TPP2: variants seen among roughly 807,000 people sequenced by gnomAD.
TPP2 encodes tripeptidyl-peptidase 2.
Under a neutral mutation model 155.9 loss-of-function variants are expected in TPP2, and 34 were observed. The observed-to-expected ratio is 0.22, with a 90% CI of 0.17 to 0.29. TPP2 has a LOEUF of 0.29. Ranked by LOEUF, TPP2 falls within the 10% of genes least tolerant of loss-of-function variation. The pLI is 1.00. For missense variants in TPP2, 1,028 were observed against 1,522.3 expected, an observed-to-expected ratio of 0.68 and a Z score of 5.40; for synonymous variants, 510 against 529.4, an observed-to-expected ratio of 0.96 and a Z score of 0.50.
At chr13:102,649,211 T>C in intron 22 of TPP2, 60 bp downstream of exon 22, 1 of 1,528,762 alleles carries the variant, frequency 6.5e-7, no homozygotes, top group African/African-American at 1.4e-5. Flanking sequence ...CCTTTTAATG[T>C]CAGTTTATGA....
At chr13:102,676,454 T>C in intron 29 of TPP2, 39 bp downstream of exon 29, 2 of 1,597,498 alleles carry the variant, frequency 1.3e-6, no homozygotes, top group Non-Finnish European at 1.7e-6. Flanking sequence ...AGCATCACTT[T>C]GATATTGCAT....
chr13:102,614,126 C>T lies in TPP2; in HGVS notation c.320C>T (p.Ser107Leu). The T allele has an allele frequency of 1.9e-6, 3 of 1,613,302 alleles. No homozygotes were observed. Among genetic ancestry groups the T allele is most frequent in the Non-Finnish European group, 2.5e-6 (3 of 1,179,680 alleles). The part of the protein sequence containing the change: ...LKIPASWTNP[S>L]GKYHIGIKNG... The stretch of plus-strand genomic sequence containing the variant: ...ATTCCTGCAAGCTGGACAAATCCCT[C>T]AGGCAAATATCATATTGGCATAAAA... Residue 107 changes from serine (S) to leucine (L), a missense_variant, in exon 3 of 30, where the codon TCA (serine) becomes TTA (leucine). Coordinates refer to ENST00000376052, the MANE Select transcript of TPP2 (RefSeq NM_001330588.2).
At chr13:102,674,730 T>C (rs1190343569) in intron 28 of TPP2, among the ~76,000 whole-genome samples, 1 of 152,208 alleles carries the variant, frequency 6.6e-6, no homozygotes, top group South Asian at 2.1e-4. Context: ...TTTGAGAATA[T>C]GTGTAGTAGG....
chr13:102,609,289 T>C (rs1274168368), intron 2 of TPP2, among the ~76,000 whole-genome samples: 2 of 109,916 alleles, frequency 1.8e-5, no homozygotes, highest in Non-Finnish European at 3.7e-5. Flanking sequence ...GACTTGGGAG[T>C]CCCAGGAAAC....
chr13:102,642,964 T>C (rs1483327578), intron 16 of TPP2, among the ~76,000 whole-genome samples: 1 of 152,228 alleles, frequency 6.6e-6, no homozygotes, highest in Non-Finnish European at 1.5e-5. Context: ...TCCAGGTGTT[T>C]GCAGCCTCAT....
At chr13:102,606,546 G>A (rs1186029813) in intron 2 of TPP2, among the ~76,000 whole-genome samples, 1 of 152,126 alleles carries the variant, frequency 6.6e-6, no homozygotes, top group Non-Finnish European at 1.5e-5. Flanking sequence ...CTTCTTCAAG[G>A]CCAGTAAGAG....
intron 25 of TPP2, among the ~76,000 whole-genome samples, chr13:102,663,159 T>A (rs746554351): frequency 6.6e-6 from 1 of 150,944 alleles, no homozygotes; most frequent in African/African-American, 2.4e-5. Context: ...TTAATTTATT[T>A]ATTTTTTGAG....
At chr13:102,668,738 A>G (rs1884774384) in intron 27 of TPP2, among the ~76,000 whole-genome samples, 2 of 152,240 alleles carry the variant, frequency 1.3e-5, no homozygotes, top group Non-Finnish European at 2.9e-5. Context: ...TGAGAGAATA[A>G]GAAGGGTTAA....
At chr13:102,612,117 A>T (rs1004009657) in intron 2 of TPP2, among the ~76,000 whole-genome samples, 4 of 151,848 alleles carry the variant, frequency 2.6e-5, no homozygotes, top group East Asian at 1.9e-4. Flanking sequence ...TTTGGTTTTT[A>T]AAAAAAATAA....
At chr13:102,605,634 A>G (rs1203557473) in intron 2 of TPP2, among the ~76,000 whole-genome samples, 1 of 150,714 alleles carries the variant, frequency 6.6e-6, no homozygotes, top group East Asian at 1.9e-4. Context: ...TAGTATTCCC[A>G]GTTAACTTGA....
chr13:102,666,650 T>C (rs923554631), intron 27 of TPP2, among the ~76,000 whole-genome samples: 8 of 152,162 alleles, frequency 5.3e-5, no homozygotes, highest in South Asian at 2.1e-4. Flanking sequence ...ATAACACATA[T>C]GGTTTTCTCA....
chr13:102,670,975 C>A (rs1884938352), intron 27 of TPP2, among the ~76,000 whole-genome samples: 1 of 152,140 alleles, frequency 6.6e-6, no homozygotes, highest in South Asian at 2.1e-4. Context: ...AAAATATCAT[C>A]CATAAAATGA....
intron 2 of TPP2, among the ~76,000 whole-genome samples, chr13:102,606,978 C>A (rs1308540888): frequency 6.6e-6 from 1 of 152,074 alleles, no homozygotes; most frequent in East Asian, 1.9e-4. Context: ...GAGTATGTGT[C>A]CCCTCAGGAT....
chr13:102,671,741 G>T (rs1884996923), intron 27 of TPP2, among the ~76,000 whole-genome samples: 1 of 152,062 alleles, frequency 6.6e-6, no homozygotes, highest in South Asian at 2.1e-4. Context: ...TGGAGGACGG[G>T]GCTCAGGCAA....
chr13:102,612,111 GT>G (rs1388079243), intron 2 of TPP2, among the ~76,000 whole-genome samples: 1 of 151,948 alleles, frequency 6.6e-6, no homozygotes, highest in African/African-American at 2.4e-5. Flanking sequence ...AATATTTTTG[GT>G]TTTTAAAAAA....
chr13:102,643,007 G>A (rs540580589), intron 16 of TPP2, among the ~76,000 whole-genome samples: 5 of 152,068 alleles, frequency 3.3e-5, no homozygotes, highest in South Asian at 2.1e-4. Flanking sequence ...AGTTTCTTTC[G>A]TTCCCATAGA....
chr13:102,633,014 C>G (rs1433122977), intron 10 of TPP2, among the ~76,000 whole-genome samples: 1 of 152,124 alleles, frequency 6.6e-6, no homozygotes, highest in Non-Finnish European at 1.5e-5. Context: ...AAATGTAAAG[C>G]CAAATTGCTC....
rs370982829 is a variant in TPP2 at position 102,632,155 on chromosome 13, C to T, written c.1245-1795C>T. ...TGTAATCACAGCTACATAAACAGGT[C>T]GTGAAATTTTATTATATATTGTAAT... On this transcript the variant is annotated intron_variant, in intron 10 of 29. Transcript: ENST00000376052. Among the ~76,000 whole-genome samples, 13 of 151,912 alleles carry T rather than the reference C, an allele frequency of 8.6e-5. No homozygotes were observed. In the East Asian group the frequency reaches 2.3e-3, roughly 27 times the overall value.
intron 16 of TPP2, 129 bp from the exon 17 acceptor site, chr13:102,643,093 A>G (rs1882876280): frequency 2.7e-6 from 2 of 739,180 alleles, no homozygotes; most frequent in Non-Finnish European, 3.9e-6. Context: ...ATTTGAGTGT[A>G]CATTTTATTT....
Sources: allele counts gnomAD v4.1 joint callset (sites outside exome capture counted in the v4.1 genomes callset), GRCh38; gene constraint gnomAD v4.1.1; transcripts MANE v1.5; gene names NCBI Gene and HGNC (gene_info 2026-07-23, HGNC 2026-07-21).